IQGAP1: variants seen among roughly 807,000 people sequenced by gnomAD.
The protein encoded by IQGAP1 is ras GTPase-activating-like protein IQGAP1.
IQGAP1 carries 66 observed loss-of-function variants against 215.6 expected under a neutral mutation model. The observed-to-expected ratio is 0.31, with a 90% CI of 0.25 to 0.38. IQGAP1 has a LOEUF of 0.38. Among genes scored for constraint, IQGAP1 ranks in the 10% least tolerant of loss-of-function variants. The probability of loss-of-function intolerance (pLI) is 1.00; values close to 1 mark genes in which losing one functional copy is unlikely to be tolerated. For missense variants in IQGAP1, 1,712 were observed against 1,997.1 expected, an observed-to-expected ratio of 0.86 and a Z score of 2.72; for synonymous variants, 772 against 728.7, an observed-to-expected ratio of 1.06 and a Z score of -0.96.
At chr15:90,411,897 T>G (rs1188427944) in intron 2 of IQGAP1, among the ~76,000 whole-genome samples, 1 of 152,140 alleles carries the variant, frequency 6.6e-6, no homozygotes, top group Non-Finnish European at 1.5e-5. Flanking sequence ...AGCCGAGACT[T>G]AAACAAACGA....
At chr15:90,428,809 A>G (rs1365712402) in intron 3 of IQGAP1, among the ~76,000 whole-genome samples, 1 of 152,072 alleles carries the variant, frequency 6.6e-6, no homozygotes, top group African/African-American at 2.4e-5. Context: ...AAAAAAGCAG[A>G]CATTGAAGTT....
At chr15:90,466,200 T>A in intron 16 of IQGAP1, 69 bp from the exon 17 acceptor site, 1 of 1,580,364 alleles carries the variant, frequency 6.3e-7, no homozygotes, top group Non-Finnish European at 8.7e-7. Flanking sequence ...GTAGATATAG[T>A]TAGGTGAAGC....
At chr15:90,457,190 C>T (rs905416881) in intron 15 of IQGAP1, among the ~76,000 whole-genome samples, 3 of 151,926 alleles carry the variant, frequency 2.0e-5, no homozygotes, top group Middle Eastern at 3.4e-3. Flanking sequence ...CTATTAATAA[C>T]ACCACAGTTC....
intron 35 of IQGAP1, among the ~76,000 whole-genome samples, chr15:90,493,240 A>G (rs551772688): frequency 2.6e-4 from 24 of 90,854 alleles, no homozygotes; most frequent in African/African-American, 4.3e-4. Context: ...AAGACTCTGG[A>G]AAAAAAAAAA....
intron 26 of IQGAP1, among the ~76,000 whole-genome samples, chr15:90,481,223 A>G (rs1172364245): frequency 1.4e-5 from 2 of 146,242 alleles, no homozygotes; most frequent in African/African-American, 5.1e-5. Context: ...TTGTGGTCAC[A>G]TTGCCTTCTC....
At position 90,490,561 on chromosome 15, in the gene IQGAP1, A is replaced by C. The variant is rs73485154; in HGVS notation, c.4249-772A>C. Among the ~76,000 whole-genome samples, 821 of 152,336 alleles carry C rather than the reference A, an allele frequency of 5.4e-3. 11 individuals are homozygous for C. Among genetic ancestry groups the C allele is most frequent in the African/African-American group, 0.019 (797 of 41,578 alleles). On this transcript the variant is annotated intron_variant, in intron 33 of 37. Coordinates refer to ENST00000268182, the MANE Select transcript of IQGAP1 (RefSeq NM_003870.4). ...TTGAAAGCAGAGGCAAGGCTCGAGCATGATTCCACCTTGTGACAAAGTGAC... is the reference window on the plus strand; with the variant it reads ...TTGAAAGCAGAGGCAAGGCTCGAGCCTGATTCCACCTTGTGACAAAGTGAC...
At chr15:90,410,855 AAAAG>A (rs1233595288) in intron 2 of IQGAP1, among the ~76,000 whole-genome samples, 3 of 151,522 alleles carry the variant, frequency 2.0e-5, no homozygotes, top group Admixed American at 6.6e-5. Context: ...AAAAAAAAAA[AAAAG>A]AAAAAACATT....
intron 2 of IQGAP1, among the ~76,000 whole-genome samples, chr15:90,404,594 C>T (rs1964851176): frequency 6.6e-6 from 1 of 151,896 alleles, no homozygotes; most frequent in Non-Finnish European, 1.5e-5. Flanking sequence ...ATTCATTCCA[C>T]TTTGTCCTTT....
chr15:90,476,615 G>T (rs1965984263), intron 23 of IQGAP1, 48 bp from the exon 24 acceptor site: 1 of 1,449,442 alleles, frequency 6.9e-7, no homozygotes, highest in East Asian at 2.3e-5. Flanking sequence ...ATGCCCAGAG[G>T]TTCATCTTTG....
At chr15:90,463,185 C>T (rs1412232636) in intron 15 of IQGAP1, among the ~76,000 whole-genome samples, 2 of 152,096 alleles carry the variant, frequency 1.3e-5, no homozygotes, top group Non-Finnish European at 2.9e-5. Flanking sequence ...CATACTATTG[C>T]TCTATTGCTT....
chr15:90,473,092 C>T (rs561739122), intron 19 of IQGAP1, 82 bp downstream of exon 19: 1 of 1,339,434 alleles, frequency 7.5e-7, no homozygotes, highest in African/African-American at 1.4e-5. Context: ...CATTGACTGT[C>T]TGAGTGTGTT....
intron 33 of IQGAP1, among the ~76,000 whole-genome samples, chr15:90,489,037 G>A (rs1424695742): frequency 6.6e-6 from 1 of 152,018 alleles, no homozygotes; most frequent in Non-Finnish European, 1.5e-5. Context: ...ATATAGGTGT[G>A]TGATAAGGTC....
rs567038436 is a variant in IQGAP1, at chr15:90,457,668, C to T, written c.1776+1353C>T. Among the ~76,000 whole-genome samples the T allele has an allele frequency of 2.0e-5, 3 of 151,352 alleles. No individual in the cohort carries two copies. The East Asian group carries it at 5.8e-4, about 29-fold the overall frequency. On this transcript the variant is annotated intron_variant, in intron 15 of 37. Coordinates refer to ENST00000268182, the MANE Select transcript of IQGAP1 (RefSeq NM_003870.4). ...TGTTGGCCAGTTTGGTCTCGAACTC[C>T]TGACCTCAAGTGATCTGCCCGCCTC...
At chr15:90,421,434 CCA>C (rs1567120494) in intron 2 of IQGAP1, among the ~76,000 whole-genome samples, 1 of 151,418 alleles carries the variant, frequency 6.6e-6, no homozygotes, top group Non-Finnish European at 1.5e-5. Context: ...TGACATCATG[CCA>C]CTGCACTTCA....
intron 15 of IQGAP1, among the ~76,000 whole-genome samples, chr15:90,460,991 CCT>C (rs1211118680): frequency 7.5e-6 from 1 of 133,978 alleles, no homozygotes; most frequent in Non-Finnish European, 1.6e-5. Flanking sequence ...AAAGCAAGAC[CCT>C]GTCTTTAAAA....
At chr15:90,488,461 A>G (rs1379497850) in intron 33 of IQGAP1, among the ~76,000 whole-genome samples, 2 of 151,880 alleles carry the variant, frequency 1.3e-5, no homozygotes, top group Non-Finnish European at 2.9e-5. Context: ...TGTAGGGTTC[A>G]CTGCAATTTA....
At position 90,433,747 on chromosome 15, in the gene IQGAP1, A is replaced by G. The variant is rs1266848037; in HGVS notation, c.419A>G (p.Tyr140Cys). The change falls in exon 5 of 38, where the codon TAT becomes TGT. Residue 140 changes from tyrosine (Y) to cysteine (C), a missense_variant. This residue lies in a region of IQGAP1 where 1,021 missense variants were observed against 1,074.2 expected (regional missense o/e 0.95). Coordinates refer to ENST00000268182, the MANE Select transcript of IQGAP1 (RefSeq NM_003870.4). The part of the protein sequence containing the change: ...KIFYPETTDI[Y>C]DRKNMPRCIY... ...TTTTACCCAGAAACTACAGATATCTATGATCGAAAGAACATGCCAAGATGT... is the reference window on the plus strand; with the variant it reads ...TTTTACCCAGAAACTACAGATATCTGTGATCGAAAGAACATGCCAAGATGT... 8 of 1,607,646 alleles carry G rather than the reference A, an allele frequency of 5.0e-6. No homozygotes were observed. The highest frequency in any genetic ancestry group is 1.3e-5 in the African/African-American group (1 of 74,732).
chr15:90,408,325 T>C (rs1182407416), intron 2 of IQGAP1, among the ~76,000 whole-genome samples: 2 of 152,156 alleles, frequency 1.3e-5, no homozygotes, highest in Non-Finnish European at 2.9e-5. Flanking sequence ...TTGGTTTTTG[T>C]TTTTCTTTTA....
chr15:90,462,133 A>G (rs1145324), intron 15 of IQGAP1, among the ~76,000 whole-genome samples: 4,459 of 152,114 alleles, frequency 0.029, 99 homozygotes, highest in Middle Eastern at 0.061. Flanking sequence ...GGGCCACTGC[A>G]CTCCAGTCTG....
Sources: allele counts gnomAD v4.1 joint callset (sites outside exome capture counted in the v4.1 genomes callset), GRCh38; gene constraint gnomAD v4.1.1; regional missense constraint gnomAD v4.1.1; transcripts MANE v1.5; gene names NCBI Gene and HGNC (gene_info 2026-07-23, HGNC 2026-07-21).